Variants in CDKL1 observed in about 807,000 individuals in gnomAD.
The protein encoded by CDKL1 is cyclin dependent kinase like 1.
In CDKL1, 41 loss-of-function variants were observed where a neutral mutation model predicts 42.0. The observed-to-expected ratio is 0.98, with a 90% CI of 0.76 to 1.27. The LOEUF is 1.27. Ranked by LOEUF, CDKL1 falls within the 50% of genes most tolerant of loss-of-function variation. CDKL1 has a pLI of 0.00. For synonymous variants in CDKL1, 153 were observed against 158.6 expected (o/e 0.96, Z 0.26); for missense variants, 394 against 428.4 (o/e 0.92, Z 0.71).
chr14:50,332,583 C>T, intron 8 of CDKL1, 151 bp from the exon 9 acceptor site: 1 of 1,481,590 alleles, frequency 6.7e-7, no homozygotes, highest in Non-Finnish European at 9.1e-7. Flanking sequence ...TTAGTTCCTT[C>T]CAGTCATTCC....
intron 2 of CDKL1, among the ~76,000 whole-genome samples, chr14:50,384,732 T>C (rs1043158266): frequency 4.0e-5 from 6 of 151,506 alleles, no homozygotes; most frequent in African/African-American, 1.5e-4. Flanking sequence ...GTAGAAAGAA[T>C]TGTAGAAAAA....
chr14:50,344,907 G>T, intron 4 of CDKL1, 79 bp downstream of exon 4: 1 of 1,203,552 alleles, frequency 8.3e-7, no homozygotes. Context: ...CCACAGAAGT[G>T]TGACATAAAC....
rs370091373 is a variant in CDKL1 at position 50,361,471 on chromosome 14, T to A, written c.169-2322A>T. 1.4e-4 allele frequency among the ~76,000 whole-genome samples: 22 copies of A among 152,358 alleles called. 1 individual carries two copies. The highest frequency in any genetic ancestry group is 5.0e-4 in the African/African-American group (21 of 41,586). On this transcript the variant is annotated intron_variant, in intron 2 of 9. Coordinates refer to ENST00000395834, the MANE Select transcript of CDKL1 (RefSeq NM_004196.7). ...TTTATAAAGAACAGAACTTTTTTTC[T>A]TACAGTTCCGCATGCTGGGAAATCC...
chr14:50,336,122 A>G (rs7148292), intron 7 of CDKL1: 776,312 of 1,364,718 alleles, frequency 0.57, 221,648 homozygotes, highest in East Asian at 0.62. Flanking sequence ...GATGAGGCCA[A>G]CTGGTTGCCT....
intron 4 of CDKL1, among the ~76,000 whole-genome samples, chr14:50,344,468 GTTTTT>G (rs138592023): frequency 2.3e-5 from 3 of 130,872 alleles, no homozygotes. Flanking sequence ...GTTCTTTGTG[GTTTTT>G]TTTTTTTTTT....
At chr14:50,339,522 AAGAG>A (rs2033433728) in intron 6 of CDKL1, among the ~76,000 whole-genome samples, 1 of 136,866 alleles carries the variant, frequency 7.3e-6, no homozygotes, top group South Asian at 2.6e-4. Flanking sequence ...GGGAGGGAGG[AAGAG>A]AGGGAGGGAG....
chr14:50,338,645 G>A (rs1402905281), intron 7 of CDKL1, among the ~76,000 whole-genome samples: 1 of 152,148 alleles, frequency 6.6e-6, no homozygotes, highest in African/African-American at 2.4e-5. Flanking sequence ...ATAGGTCTAG[G>A]TCTAAAAGTT....
chr14:50,363,278 A>C (rs764568544), intron 2 of CDKL1: 10 of 191,606 alleles, frequency 5.2e-5, no homozygotes, highest in Non-Finnish European at 9.9e-5. Context: ...CACCAATTCC[A>C]GACACGTTTG....
chr14:50,387,184 G>A (rs1240073230), intron 2 of CDKL1, among the ~76,000 whole-genome samples: 5 of 122,150 alleles, frequency 4.1e-5, no homozygotes, highest in Admixed American at 2.1e-4. Context: ...TCCAGCCTGG[G>A]CAACAGACTG....
chr14:50,348,006 G>T (rs2033783362), intron 3 of CDKL1, among the ~76,000 whole-genome samples: 1 of 152,196 alleles, frequency 6.6e-6, no homozygotes, highest in Non-Finnish European at 1.5e-5. Flanking sequence ...AGCTAATTTT[G>T]TTCCCTCCTG....
At chr14:50,345,652 G>A (rs1028310272) in intron 3 of CDKL1, among the ~76,000 whole-genome samples, 23 of 152,134 alleles carry the variant, frequency 1.5e-4, no homozygotes, top group African/African-American at 4.8e-4. Flanking sequence ...CCCTACCAGG[G>A]TCTTGATGCA....
At chr14:50,378,158 G>A (rs1187528238) in intron 2 of CDKL1, 7 of 1,365,726 alleles carry the variant, frequency 5.1e-6, no homozygotes, top group Non-Finnish European at 6.9e-6. Flanking sequence ...CATTGCTGTA[G>A]GTTAGCTGCT....
intron 2 of CDKL1, chr14:50,390,123 C>T: frequency 2.2e-6 from 3 of 1,362,120 alleles, no homozygotes; most frequent in South Asian, 1.1e-5. Flanking sequence ...GGTCCCTTGC[C>T]CCTACCTGCC....
chr14:50,397,267 C>T (rs2035444226), upstream of CDKL1: 1 of 1,366,552 alleles, frequency 7.3e-7, no homozygotes. Context: ...TCTTCTGTGT[C>T]TGTGCTGATC....
intron 2 of CDKL1, among the ~76,000 whole-genome samples, chr14:50,368,077 G>A (rs908654228): frequency 3.3e-5 from 5 of 152,164 alleles, no homozygotes; most frequent in African/African-American, 1.2e-4. Context: ...TCCTGCCTCA[G>A]CCTCTCAAGT....
At chr14:50,362,963 T>C in intron 2 of CDKL1, 3 of 465,896 alleles carry the variant, frequency 6.4e-6, no homozygotes, top group Non-Finnish European at 8.9e-6. Flanking sequence ...GCTCACGCTT[T>C]GGGTCCGCAC....
intron 4 of CDKL1, among the ~76,000 whole-genome samples, chr14:50,343,906 T>C (rs1413099310): frequency 6.6e-6 from 1 of 152,256 alleles, no homozygotes; most frequent in African/African-American, 2.4e-5. Flanking sequence ...AAGTGCTGTC[T>C]ACTCTCATAC....
intron 2 of CDKL1, chr14:50,362,356 C>T (rs926743797): frequency 2.6e-5 from 8 of 302,770 alleles, no homozygotes; most frequent in Admixed American, 4.6e-5. Context: ...CAGCTGGGCT[C>T]CTGAGTCTGG....
At chr14:50,342,920 C>G (rs912327549) in intron 4 of CDKL1, 4 of 1,344,710 alleles carry the variant, frequency 3.0e-6, no homozygotes, top group Non-Finnish European at 3.9e-6. Flanking sequence ...TGGGGAGAGT[C>G]GCTAGATGTC....
Sources: allele counts gnomAD v4.1 joint callset (sites outside exome capture counted in the v4.1 genomes callset), GRCh38; gene constraint gnomAD v4.1.1; transcripts MANE v1.5; gene names NCBI Gene and HGNC (gene_info 2026-07-23, HGNC 2026-07-21).